The following FBXL7 variants were observed in gnomAD, a reference collection of about 807,000 sequenced individuals.
FBXL7 encodes F-box and leucine rich repeat protein 7, also known as F-box/LRR-repeat protein 7.
Under a neutral mutation model 38.3 loss-of-function variants are expected in FBXL7, and 12 were observed. The observed-to-expected ratio is 0.31, with a 90% CI of 0.20 to 0.51. FBXL7 has a LOEUF of 0.51. FBXL7 is among the 20% of genes least tolerant of loss of function. The pLI, the probability that FBXL7 is intolerant of heterozygous loss-of-function variation, is 0.98. For missense variants in FBXL7, 567 were observed against 676.4 expected, an observed-to-expected ratio of 0.84 and a Z score of 1.79; for synonymous variants, 297 against 300.9, an observed-to-expected ratio of 0.99 and a Z score of 0.13.
At chr5:15,705,552 A>T (rs1188169221) in intron 2 of FBXL7, among the ~76,000 whole-genome samples, 2 of 152,042 alleles carry the variant, frequency 1.3e-5, no homozygotes, top group Admixed American at 1.3e-4. Context: ...TGGGATTGTA[A>T]TGAAAAATTA....
At chr5:15,733,028 G>C (rs924217318) in intron 2 of FBXL7, among the ~76,000 whole-genome samples, 1 of 152,098 alleles carries the variant, frequency 6.6e-6, no homozygotes, top group African/African-American at 2.4e-5. Flanking sequence ...AAGCATGATC[G>C]TGAGTACTAA....
chr5:15,568,437 G>A (rs1406131006), intron 1 of FBXL7, among the ~76,000 whole-genome samples: 1 of 151,606 alleles, frequency 6.6e-6, no homozygotes, highest in Non-Finnish European at 1.5e-5. Context: ...TTTTTGATGG[G>A]GTTTTTTTTT....
At chr5:15,520,985 C>T (rs1362000778) in intron 1 of FBXL7, among the ~76,000 whole-genome samples, 6 of 152,048 alleles carry the variant, frequency 3.9e-5, no homozygotes, top group South Asian at 2.1e-4. Context: ...GCCCAGGTAC[C>T]GAAGGCATGA....
In FBXL7 at chr5:15,550,025, C is replaced by A. The variant is rs571267367; in HGVS notation, c.37+49312C>A. 9.9e-5 allele frequency among the ~76,000 whole-genome samples: 15 copies of A among 152,260 alleles called. 1 individual carries two copies. In the South Asian group the frequency reaches 3.1e-3, roughly 32 times the overall value. On this transcript the variant is annotated intron_variant, in intron 1 of 3. Transcript: ENST00000504595. ...AGAAACCTGAGCCCAGCAGAAACTTCTGTACAAAAAGGCTTTAGATAGTAT... is the reference window on the plus strand; with the variant it reads ...AGAAACCTGAGCCCAGCAGAAACTTATGTACAAAAAGGCTTTAGATAGTAT...
chr5:15,937,554 C>A lies in FBXL7; in HGVS notation c.*368C>A, dbSNP rs113454368. ...CACCCCCACAGTTCCACGCCCCCCC[C>A]CCAAGGCCACACCCTCCCTCCCTAG... On this transcript the variant is annotated 3_prime_UTR_variant, in exon 4 of 4. Transcript: ENST00000504595. 1.2e-4 allele frequency: 23 copies of A among 186,250 alleles called. No individual in the cohort carries two copies. The highest frequency in any genetic ancestry group is 2.8e-4 in the African/African-American group (10 of 35,602). 11.5% of individuals were successfully genotyped at this position (186,250 alleles called of 1,614,324 possible). A position where few individuals can be genotyped will look rare whatever the true frequency, so the allele number is the denominator to read the frequency against.
intron 2 of FBXL7, among the ~76,000 whole-genome samples, chr5:15,919,060 T>C (rs1166188637): frequency 6.6e-6 from 1 of 152,190 alleles, no homozygotes; most frequent in Non-Finnish European, 1.5e-5. Flanking sequence ...TATTGATCTA[T>C]TTTTTTAAGC....
chr5:15,593,594 A>C (rs1196151699), intron 1 of FBXL7, among the ~76,000 whole-genome samples: 2 of 152,124 alleles, frequency 1.3e-5, no homozygotes, highest in African/African-American at 4.8e-5. Context: ...GCTGGTGCAA[A>C]GATTTAGATT....
intron 1 of FBXL7, among the ~76,000 whole-genome samples, chr5:15,615,700 A>G (rs1740423271): frequency 1.3e-5 from 2 of 152,198 alleles, no homozygotes. Flanking sequence ...ATTTATGCCA[A>G]AAAGAGATTA....
At chr5:15,786,544 G>A (rs1737137661) in intron 2 of FBXL7, among the ~76,000 whole-genome samples, 1 of 152,142 alleles carries the variant, frequency 6.6e-6, no homozygotes, top group Non-Finnish European at 1.5e-5. Flanking sequence ...GTTCTTTTCT[G>A]GGAGGCTCAT....
intron 2 of FBXL7, among the ~76,000 whole-genome samples, chr5:15,825,212 T>C (rs1333318941): frequency 1.3e-5 from 2 of 152,304 alleles, no homozygotes; most frequent in East Asian, 3.9e-4. Flanking sequence ...TTCCTTGTTA[T>C]GCTTGCTAAT....
chr5:15,703,860 C>T (rs1743601209), intron 2 of FBXL7, among the ~76,000 whole-genome samples: 1 of 152,112 alleles, frequency 6.6e-6, no homozygotes, highest in African/African-American at 2.4e-5. Flanking sequence ...CATTAATGAA[C>T]TAAAGACACA....
chr5:15,699,462 C>T (rs914011347), intron 2 of FBXL7, among the ~76,000 whole-genome samples: 3 of 152,178 alleles, frequency 2.0e-5, no homozygotes, highest in Non-Finnish European at 2.9e-5. Flanking sequence ...TGCTCCACTC[C>T]TCTTTCTATG....
intron 2 of FBXL7, among the ~76,000 whole-genome samples, chr5:15,799,742 A>G (rs1314079248): frequency 1.3e-5 from 2 of 152,144 alleles, no homozygotes; most frequent in Non-Finnish European, 2.9e-5. Flanking sequence ...TGTTCAGTAC[A>G]TCATCACAGA....
At chr5:15,601,114 AT>A (rs1739774631) in intron 1 of FBXL7, among the ~76,000 whole-genome samples, 1 of 152,200 alleles carries the variant, frequency 6.6e-6, no homozygotes, top group Non-Finnish European at 1.5e-5. Context: ...AGAGGCAGTT[AT>A]GGATTTATTG....
intron 2 of FBXL7, among the ~76,000 whole-genome samples, chr5:15,749,320 A>C (rs1054811802): frequency 1.1e-4 from 17 of 151,840 alleles, no homozygotes; most frequent in African/African-American, 4.1e-4. Flanking sequence ...ATTTATTGAC[A>C]AACTTGTTAT....
At chr5:15,524,359 TGGG>T (rs775361709) in intron 1 of FBXL7, among the ~76,000 whole-genome samples, 90 of 152,240 alleles carry the variant, frequency 5.9e-4, no homozygotes, top group African/African-American at 2.1e-3. Context: ...CTTAACTTCT[TGGG>T]GGGGCTGAAG....
chr5:15,839,974 T>G (rs555581188), intron 2 of FBXL7, among the ~76,000 whole-genome samples: 113 of 152,388 alleles, frequency 7.4e-4, no homozygotes, highest in Middle Eastern at 6.8e-3. Flanking sequence ...ATTTTTTTAC[T>G]TGGGCTATGA....
Position 15,928,712 on chromosome 5 carries a change from CT to C in FBXL7, c.739+221del, listed in dbSNP as rs1012205227. Among the ~76,000 whole-genome samples the C allele has an allele frequency of 3.3e-4, 50 of 149,754 alleles. 1 individual carries two copies. The highest frequency in any genetic ancestry group is 9.8e-4 in the East Asian group (5 of 5,092). On this transcript the variant is annotated intron_variant, in intron 3 of 3. Coordinates refer to ENST00000504595, the MANE Select transcript of FBXL7 (RefSeq NM_012304.5). This position sits in a 1 kb window ranked among gnomAD's most constrained non-coding sequence, Gnocchi z 4.0. ...CCCTTTCATCAAATAATGTCCACTT[CT>C]TTTTTTTTTATTATTATACTTTAAG...
intron 2 of FBXL7, among the ~76,000 whole-genome samples, chr5:15,905,336 A>T (rs1001897015): frequency 6.6e-6 from 1 of 152,124 alleles, no homozygotes; most frequent in Non-Finnish European, 1.5e-5. Flanking sequence ...ATTTTAAAAG[A>T]TGTGGTCTTT....
Sources: gnomAD v4.1 joint callset for allele counts (sites outside exome capture counted in the v4.1 genomes callset) on GRCh38, gnomAD v4.1.1 for gene constraint, Gnocchi (gnomAD v3.1) non-coding constraint, MANE v1.5 for transcripts, NCBI Gene and HGNC (gene_info 2026-07-23, HGNC 2026-07-21) for gene names.